Variants in APP observed in about 807,000 individuals in gnomAD.
APP encodes amyloid-beta precursor protein.
APP carries 31 observed loss-of-function variants against 101.4 expected under a neutral mutation model. The ratio of observed to expected loss-of-function variants is 0.31; its 90% CI spans 0.23 to 0.41. The LOEUF is 0.41. APP is among the 10% of genes least tolerant of loss of function. APP has a pLI of 1.00. For missense variants in APP, 839 were observed against 1,003.7 expected (o/e 0.84, Z 2.22); for synonymous variants, 366 against 364.4 (o/e 1.00, Z -0.05).
chr21:26,159,238 C>G (rs1186463279), intron 1 of APP, among the ~76,000 whole-genome samples: 2 of 152,188 alleles, frequency 1.3e-5, no homozygotes, highest in South Asian at 2.1e-4. Flanking sequence ...TGTCACCACG[C>G]CCGGTTAATT....
chr21:26,160,526 A>C (rs1455942787), intron 1 of APP, among the ~76,000 whole-genome samples: 5 of 152,196 alleles, frequency 3.3e-5, no homozygotes, highest in Admixed American at 6.5e-5. Context: ...GGTATATAGT[A>C]GTATTGGCTT....
At chr21:25,898,878 C>G (rs765928302) in intron 15 of APP, among the ~76,000 whole-genome samples, 1 of 152,136 alleles carries the variant, frequency 6.6e-6, no homozygotes, top group Non-Finnish European at 1.5e-5. Flanking sequence ...TCAATCTTGT[C>G]TACGAGATTC....
intron 2 of APP, 52 bp from the exon 3 acceptor site, chr21:26,090,124 T>C: frequency 6.2e-7 from 1 of 1,610,126 alleles, no homozygotes; most frequent in South Asian, 1.1e-5. Flanking sequence ...GGGGCTGGCA[T>C]TTACAAGCAT....
Position 25,982,349 on chromosome 21 carries a change from A to T in APP, c.1219T>A (p.Ser407Thr), listed in dbSNP as rs2042464223. ...RLEAKHRERM[S>T]QVMREWEEAE... ...GATGGAAGAGCCAGACTTACCTGGG[A>T]CATTCTCTCTCGGTGCTTGGCCTCA... is the stretch of plus-strand genomic sequence containing the variant. The change falls in exon 9 of 18, where the codon TCC becomes ACC. Residue 407 changes from serine to threonine, a missense_variant. Transcript: ENST00000346798. 2.5e-6 allele frequency: 4 copies of T among 1,613,708 alleles called. No individual in the cohort carries two copies. Among genetic ancestry groups the T allele is most frequent in the Non-Finnish European group, 3.4e-6 (4 of 1,179,776 alleles).
intron 2 of APP, among the ~76,000 whole-genome samples, chr21:26,108,310 C>A (rs1008786572): frequency 6.6e-6 from 1 of 152,152 alleles, no homozygotes; most frequent in Non-Finnish European, 1.5e-5. Flanking sequence ...CAATGTTAAA[C>A]CTATATAAAA....
At chr21:26,171,103 G>C (rs2063736292), upstream of APP, 1 of 153,312 alleles carries the variant, frequency 6.5e-6, no homozygotes, top group Non-Finnish European at 1.5e-5. Context: ...GCTCCTGCTC[G>C]TCCCCGTGAG....
At chr21:26,070,398 A>C (rs948065432) in intron 3 of APP, among the ~76,000 whole-genome samples, 9 of 152,194 alleles carry the variant, frequency 5.9e-5, no homozygotes, top group African/African-American at 2.2e-4. Context: ...AGAAGGTTTA[A>C]GTACATTAAG....
At chr21:25,954,913 C>G (rs542468793) in intron 12 of APP, among the ~76,000 whole-genome samples, 1 of 123,096 alleles carries the variant, frequency 8.1e-6, no homozygotes, top group East Asian at 2.3e-4. Context: ...TTTTCTTGTT[C>G]TCCTATTTCT....
intron 5 of APP, among the ~76,000 whole-genome samples, chr21:26,032,817 T>A (rs1338913794): frequency 6.7e-6 from 1 of 148,912 alleles, no homozygotes. Context: ...TATATATATA[T>A]ATATAAAGAG....
At chr21:26,134,401 G>A (rs563120196) in intron 1 of APP, among the ~76,000 whole-genome samples, 10 of 152,242 alleles carry the variant, frequency 6.6e-5, no homozygotes, top group South Asian at 6.2e-4. Flanking sequence ...CCCTTACTTC[G>A]TTTTGATTCA....
intron 13 of APP, among the ~76,000 whole-genome samples, chr21:25,938,992 A>G (rs915429338): frequency 4.6e-5 from 7 of 152,188 alleles, no homozygotes; most frequent in Admixed American, 3.3e-4. Context: ...TTTTCTTTAA[A>G]TAAAAAACAT....
In APP at chr21:26,002,831, G is replaced by A. The variant is rs115285616; in HGVS notation, c.866-2649C>T. ...GTGTCTTCTTATAGATGTGTGCCACGGGCCTCGCAGTGAACATCACAGCTC... is the reference window on the plus strand; with the variant it reads ...GTGTCTTCTTATAGATGTGTGCCACAGGCCTCGCAGTGAACATCACAGCTC... On this transcript the variant is annotated intron_variant, in intron 6 of 17. Transcript: ENST00000346798. Among the ~76,000 whole-genome samples, 508 of 152,022 alleles carry A rather than the reference G, an allele frequency of 3.3e-3. 5 individuals carry two copies. Among genetic ancestry groups the A allele is most frequent in the African/African-American group, 0.012 (482 of 41,450 alleles).
At chr21:25,940,530 TTAA>T (rs1202339088) in intron 13 of APP, among the ~76,000 whole-genome samples, 11 of 152,230 alleles carry the variant, frequency 7.2e-5, no homozygotes, top group Admixed American at 3.3e-4. Flanking sequence ...TTCATTGGTA[TTAA>T]TAATAAGAAG....
chr21:25,896,903 A>G (rs2038087117), intron 16 of APP, among the ~76,000 whole-genome samples: 1 of 152,342 alleles, frequency 6.6e-6, no homozygotes, highest in African/African-American at 2.4e-5. Flanking sequence ...GTAAAGGAAG[A>G]CAGTTCCGGA....
chr21:25,938,771 C>T (rs1357574884), intron 13 of APP, among the ~76,000 whole-genome samples: 1 of 152,170 alleles, frequency 6.6e-6, no homozygotes, highest in Admixed American at 6.5e-5. Context: ...AGATACTTTT[C>T]TCAGTCTACT....
At chr21:26,166,652 G>A (rs542442456) in intron 1 of APP, among the ~76,000 whole-genome samples, 45 of 151,968 alleles carry the variant, frequency 3.0e-4, no homozygotes, top group Admixed American at 5.2e-4. Context: ...GTGAAACAGA[G>A]AGAGGTTGAA....
At chr21:26,108,146 C>G (rs1401423692) in intron 2 of APP, among the ~76,000 whole-genome samples, 1 of 152,128 alleles carries the variant, frequency 6.6e-6, no homozygotes, top group Admixed American at 6.5e-5. Flanking sequence ...CAGCACTGTT[C>G]CACGGAAACA....
intron 15 of APP, among the ~76,000 whole-genome samples, chr21:25,900,741 C>T (rs914292043): frequency 4.6e-5 from 7 of 152,156 alleles, no homozygotes; most frequent in African/African-American, 1.7e-4. Context: ...GTGGCTCACA[C>T]CTGTAATCCC....
At chr21:25,941,277 T>C (rs975154728) in intron 13 of APP, 6 of 152,314 alleles carry the variant, frequency 3.9e-5, no homozygotes, top group Middle Eastern at 3.4e-3. Context: ...AGGAGATTAA[T>C]GGGAAAACCT....
Sources: allele counts gnomAD v4.1 joint callset (sites outside exome capture counted in the v4.1 genomes callset), GRCh38; gene constraint gnomAD v4.1.1; transcripts MANE v1.5; gene names NCBI Gene and HGNC (gene_info 2026-07-23, HGNC 2026-07-21).